Variants in NRG1 observed in about 807,000 individuals in gnomAD.
The protein encoded by NRG1 is pro-neuregulin-1, membrane-bound isoform.
NRG1 carries 18 observed loss-of-function variants against 63.8 expected under a neutral mutation model. The observed-to-expected ratio is 0.28, with a 90% CI of 0.19 to 0.42. The LOEUF is 0.42. Ranked by LOEUF, NRG1 falls within the 10% of genes least tolerant of loss-of-function variation. NRG1 has a pLI of 1.00. For synonymous variants in NRG1, 302 were observed against 301.3 expected, an observed-to-expected ratio of 1.00 and a Z score of -0.02; for missense variants, 762 against 814.7, an observed-to-expected ratio of 0.94 and a Z score of 0.79.
chr8:32,434,304 T>G (rs1387568889), intron 1 of NRG1, among the ~76,000 whole-genome samples: 2 of 152,198 alleles, frequency 1.3e-5, no homozygotes, highest in Non-Finnish European at 2.9e-5. Context: ...TGTTATTTAT[T>G]CAGGAAATAT....
intron 1 of NRG1, among the ~76,000 whole-genome samples, chr8:31,699,616 A>C (rs1287209816): frequency 6.6e-6 from 1 of 152,194 alleles, no homozygotes; most frequent in African/African-American, 2.4e-5. Flanking sequence ...AGGCTCCTGC[A>C]AGTCTTTGGC....
At chr8:32,379,939 C>T (rs1202605693) in intron 1 of NRG1, among the ~76,000 whole-genome samples, 1 of 152,134 alleles carries the variant, frequency 6.6e-6, no homozygotes, top group Non-Finnish European at 1.5e-5. Context: ...GTTCCAATAT[C>T]CCTCACCTTC....
chr8:32,126,578 T>A (rs1834094951), intron 1 of NRG1, among the ~76,000 whole-genome samples: 1 of 151,846 alleles, frequency 6.6e-6, no homozygotes, highest in African/African-American at 2.4e-5. Flanking sequence ...AATAAGCCAG[T>A]GTGTCCTGTA....
rs377718067 is a variant in NRG1 at position 31,813,516 on chromosome 8, C to CTTT, written c.37+174100_37+174102dup. On this transcript the variant is annotated intron_variant, in intron 1 of 10. Transcript: ENST00000519301. ...ATTTTCTTTTCTTTTCTTTTCTTTT[C>CTTT]TTTTTTTTTTTTTTTTTGTTTTTTG... is the stretch of plus-strand genomic sequence containing the variant. 9.9e-4 allele frequency among the ~76,000 whole-genome samples: 100 copies of CTTT among 101,200 alleles called. 1 individual carries two copies. The highest frequency in any genetic ancestry group is 2.6e-3 in the African/African-American group (72 of 27,346). 66.4% of individuals were successfully genotyped at this position (101,200 alleles called of 152,430 possible). A position where few individuals can be genotyped will look rare whatever the true frequency, so the allele number is the denominator to read the frequency against.
intron 1 of NRG1, among the ~76,000 whole-genome samples, chr8:32,427,204 A>T (rs1259768869): frequency 6.6e-6 from 1 of 152,174 alleles, no homozygotes; most frequent in Non-Finnish European, 1.5e-5. Context: ...TAGAAAAGCC[A>T]TTGTGATATG....
At chr8:32,284,483 C>CTGCCTGCG (rs1468006916) in intron 1 of NRG1, among the ~76,000 whole-genome samples, 21 of 135,812 alleles carry the variant, frequency 1.5e-4, no homozygotes, top group South Asian at 1.5e-3. Context: ...GCCTCCCTGC[C>CTGCCTGCG]TGCCTGCCTT....
Position 32,643,776 on chromosome 8 carries a change from A to G in NRG1, c.502+26891A>G, listed in dbSNP as rs1207793031. On this transcript the variant is annotated intron_variant, in intron 5 of 11. Coordinates refer to ENST00000356819, the Ensembl canonical transcript of NRG1. The stretch of plus-strand genomic sequence containing the variant: ...TAAATGGCCTATGCTTAATTCTTAT[A>G]ATTTCTAAAAATTATTAGGCAAAAT... Among the ~76,000 whole-genome samples, 6 of 152,296 alleles carry G rather than the reference A, an allele frequency of 3.9e-5. No homozygotes were observed. In the East Asian group the frequency reaches 1.2e-3, roughly 29 times the overall value.
chr8:31,769,378 G>C (rs1349066949), intron 1 of NRG1, among the ~76,000 whole-genome samples: 1 of 152,118 alleles, frequency 6.6e-6, no homozygotes, highest in East Asian at 1.9e-4. Context: ...CCCAAGTTGG[G>C]CCAGAAAGAC....
chr8:32,481,248 G>GT (rs1471293853), intron 1 of NRG1, among the ~76,000 whole-genome samples: 2 of 152,070 alleles, frequency 1.3e-5, no homozygotes, highest in Admixed American at 1.3e-4. Context: ...AGAGGCTGAG[G>GT]TGGGGGGATT....
intron 1 of NRG1, among the ~76,000 whole-genome samples, chr8:32,375,568 C>G (rs1335044327): frequency 1.3e-5 from 2 of 151,518 alleles, no homozygotes; most frequent in African/African-American, 4.8e-5. Flanking sequence ...ATGTGATTGG[C>G]CAAGGTGGTG....
At chr8:32,764,009 C>G (rs765561405) in exon 12 of NRG1, 1 of 1,614,122 alleles carries the variant, frequency 6.2e-7, no homozygotes, top group Admixed American at 1.7e-5. Flanking sequence ...ATGACAGTAA[C>G]AGCCTCCCTG....
chr8:32,068,293 G>A (rs1163163683), intron 1 of NRG1, among the ~76,000 whole-genome samples: 1 of 152,172 alleles, frequency 6.6e-6, no homozygotes, highest in Non-Finnish European at 1.5e-5. Flanking sequence ...CATGGCTTAT[G>A]GGCAGGCTGA....
chr8:32,375,633 C>T (rs1809525693), intron 1 of NRG1, among the ~76,000 whole-genome samples: 1 of 152,138 alleles, frequency 6.6e-6, no homozygotes, highest in East Asian at 1.9e-4. Context: ...GTGACCCAAT[C>T]AACTGCCTTT....
intron 1 of NRG1, among the ~76,000 whole-genome samples, chr8:32,575,349 C>T (rs1839419978): frequency 6.7e-6 from 1 of 150,312 alleles, no homozygotes; most frequent in South Asian, 2.1e-4. Flanking sequence ...TTTGTGGTTG[C>T]TTTATAGTTG....
At chr8:32,489,170 G>C (rs56395142) in intron 1 of NRG1, among the ~76,000 whole-genome samples, 19 of 152,048 alleles carry the variant, frequency 1.2e-4, no homozygotes, top group Non-Finnish European at 2.8e-4. Context: ...ATGGGCTGCC[G>C]CATGTGTGGT....
In NRG1 at chr8:32,647,653, T is replaced by C. The variant is rs192678616; in HGVS notation, c.502+30768T>C. 3.1e-4 allele frequency: 464 copies of C among 1,497,974 alleles called. No homozygotes were observed. The African/African-American group carries it at 5.7e-3, about 18-fold the overall frequency. 92.8% of individuals were successfully genotyped at this position (1,497,974 alleles called of 1,614,324 possible). On this transcript the variant is annotated intron_variant, in intron 5 of 11. Transcript: ENST00000356819. ...CCCTGTAAGATGCTGTATCATTTGGTTGGGGGGGCCTCTGCGTGGTAATGG... is the reference window on the plus strand; with the variant it reads ...CCCTGTAAGATGCTGTATCATTTGGCTGGGGGGGCCTCTGCGTGGTAATGG...
chr8:32,198,369 G>A (rs1381257711), intron 1 of NRG1, among the ~76,000 whole-genome samples: 2 of 151,962 alleles, frequency 1.3e-5, no homozygotes, highest in East Asian at 3.9e-4. Context: ...GTTGAGACAG[G>A]GTTTCGCCAT....
intron 1 of NRG1, among the ~76,000 whole-genome samples, chr8:31,857,485 C>G (rs370013965): frequency 6.6e-6 from 1 of 152,122 alleles, no homozygotes; most frequent in Non-Finnish European, 1.5e-5. Context: ...GCAGGGTATG[C>G]GCACCCACTG....
intron 5 of NRG1, among the ~76,000 whole-genome samples, chr8:32,657,906 C>T (rs1250485545): frequency 6.6e-6 from 1 of 152,130 alleles, no homozygotes; most frequent in Non-Finnish European, 1.5e-5. Flanking sequence ...TCCCATCAAG[C>T]AACTCCTATG....
Sources: gnomAD v4.1 joint callset for allele counts (sites outside exome capture counted in the v4.1 genomes callset) on GRCh38, gnomAD v4.1.1 for gene constraint, MANE v1.5 for transcripts, NCBI Gene and HGNC (gene_info 2026-07-23, HGNC 2026-07-21) for gene names.